UBE2E2: variants seen among roughly 807,000 people sequenced by gnomAD.
UBE2E2 encodes the protein ubiquitin-conjugating enzyme E2 E2.
In UBE2E2, 6 loss-of-function variants were observed where a neutral mutation model predicts 24.7. The observed-to-expected ratio is 0.24, with a 90% CI of 0.13 to 0.48. UBE2E2 has a LOEUF of 0.48. Ranked by LOEUF, UBE2E2 falls within the 20% of genes least tolerant of loss-of-function variation. The pLI is 0.99. For missense variants in UBE2E2, 169 were observed against 245.0 expected (o/e 0.69, Z 2.07); for synonymous variants, 104 against 83.6 (o/e 1.24, Z -1.33).
intron 3 of UBE2E2, among the ~76,000 whole-genome samples, chr3:23,295,054 A>G (rs574154737): frequency 2.6e-5 from 4 of 152,232 alleles, no homozygotes; most frequent in African/African-American, 9.6e-5. Context: ...TGATAAACCT[A>G]TTTACATTTA....
At chr3:23,438,408 A>G (rs1698230254) in intron 3 of UBE2E2, among the ~76,000 whole-genome samples, 1 of 152,240 alleles carries the variant, frequency 6.6e-6, no homozygotes, top group African/African-American at 2.4e-5. Flanking sequence ...TGGCAGAAAT[A>G]GTACTCAAAA....
chr3:23,360,267 G>A (rs1242632947), intron 3 of UBE2E2, among the ~76,000 whole-genome samples: 3 of 152,180 alleles, frequency 2.0e-5, no homozygotes, highest in South Asian at 2.1e-4. Flanking sequence ...AGTGAGTGCT[G>A]TAACTTAGAA....
intron 1 of UBE2E2, among the ~76,000 whole-genome samples, chr3:23,207,977 C>T (rs534083440): frequency 1.2e-4 from 18 of 152,156 alleles, no homozygotes; most frequent in South Asian, 1.0e-3. Context: ...ACCCATTAGC[C>T]GTCACTCTTC....
intron 3 of UBE2E2, among the ~76,000 whole-genome samples, chr3:23,272,168 C>T (rs535633519): frequency 1.3e-4 from 20 of 152,274 alleles, no homozygotes; most frequent in Admixed American, 2.6e-4. Flanking sequence ...AGCCCTGCCC[C>T]GCGGGGAGGT....
rs540320586 is a variant in UBE2E2 at position 23,351,776 on chromosome 3, A to C, written c.227+134464A>C. On this transcript the variant is annotated intron_variant, in intron 3 of 5. Transcript: ENST00000396703. ...ACAAAGAGACTTAGACTCCCACACA[A>C]TAATAATGGGAGACTTTAACACCCC... 3.9e-3 allele frequency among the ~76,000 whole-genome samples: 597 copies of C among 152,290 alleles called. 4 individuals carry two copies. Among genetic ancestry groups the C allele is most frequent in the African/African-American group, 0.013 (538 of 41,546 alleles).
At chr3:23,445,626 AC>A (rs1182897546) in intron 3 of UBE2E2, among the ~76,000 whole-genome samples, 1 of 152,172 alleles carries the variant, frequency 6.6e-6, no homozygotes, top group African/African-American at 2.4e-5. Flanking sequence ...TTTTGCCTTG[AC>A]AGTTGGTCAT....
chr3:23,582,891 G>GTGTGTGTA (rs1553622745), intron 5 of UBE2E2, among the ~76,000 whole-genome samples: 2,460 of 148,658 alleles, frequency 0.017, 67 homozygotes, highest in East Asian at 0.1. Flanking sequence ...GTGTGTGTGT[G>GTGTGTGTA]TGTTGTGTGT....
chr3:23,377,310 T>A (rs961590094), intron 3 of UBE2E2, among the ~76,000 whole-genome samples: 8 of 152,226 alleles, frequency 5.3e-5, no homozygotes, highest in Admixed American at 5.2e-4. Context: ...GTGTTCAGCC[T>A]GCATCTAAAA....
intron 2 of UBE2E2, among the ~76,000 whole-genome samples, chr3:23,211,771 C>T (rs1400538873): frequency 2.0e-5 from 3 of 152,204 alleles, no homozygotes; most frequent in South Asian, 2.1e-4. Context: ...GATAACGGTA[C>T]GCTGTTCAGA....
At chr3:23,349,562 C>A (rs572470286) in intron 3 of UBE2E2, among the ~76,000 whole-genome samples, 2 of 152,344 alleles carry the variant, frequency 1.3e-5, no homozygotes, top group African/African-American at 4.8e-5. Flanking sequence ...GCTTAAAAAA[C>A]GGCGCACCAG....
At chr3:23,396,268 A>G (rs1697071404) in intron 3 of UBE2E2, among the ~76,000 whole-genome samples, 1 of 148,596 alleles carries the variant, frequency 6.7e-6, no homozygotes, top group Admixed American at 6.7e-5. Context: ...GCCAGGATCA[A>G]AGTTCTTGAC....
chr3:23,489,346 G>A (rs899433053), intron 3 of UBE2E2, among the ~76,000 whole-genome samples: 1 of 151,860 alleles, frequency 6.6e-6, no homozygotes, highest in East Asian at 1.9e-4. Flanking sequence ...GTGGGTGATG[G>A]GAGACAGTGT....
intron 3 of UBE2E2, among the ~76,000 whole-genome samples, chr3:23,252,193 G>A (rs1039464869): frequency 2.6e-5 from 4 of 152,134 alleles, no homozygotes; most frequent in African/African-American, 4.8e-5. Context: ...ATATTTTCCT[G>A]TTGAAGACTT....
chr3:23,268,999 T>C (rs1439478973), intron 3 of UBE2E2, among the ~76,000 whole-genome samples: 1 of 151,882 alleles, frequency 6.6e-6, no homozygotes, highest in African/African-American at 2.4e-5. Flanking sequence ...TGGCTAGCCA[T>C]ATGTAGAAAG....
At chr3:23,464,499 T>C (rs1698881851) in intron 3 of UBE2E2, among the ~76,000 whole-genome samples, 4 of 152,152 alleles carry the variant, frequency 2.6e-5, no homozygotes, top group Admixed American at 1.3e-4. Flanking sequence ...AGGGGAGATA[T>C]ATATATATAA....
intron 5 of UBE2E2, among the ~76,000 whole-genome samples, chr3:23,548,700 C>T (rs1695576554): frequency 6.6e-6 from 1 of 152,162 alleles, no homozygotes; most frequent in Non-Finnish European, 1.5e-5. Flanking sequence ...TGCTGCTCTC[C>T]TCCTTAACTT....
intron 3 of UBE2E2, among the ~76,000 whole-genome samples, chr3:23,268,784 G>A (rs12638196): frequency 0.29 from 41,254 of 142,634 alleles, 6,311 homozygotes; most frequent in South Asian, 0.35. Context: ...GAGGCATCAC[G>A]CTACCTGACT....
At chr3:23,468,779 C>A (rs949517152) in intron 3 of UBE2E2, among the ~76,000 whole-genome samples, 3 of 152,156 alleles carry the variant, frequency 2.0e-5, no homozygotes, top group Non-Finnish European at 4.4e-5. Flanking sequence ...CATGCATCTT[C>A]TTGAACAAGT....
chr3:23,394,230 CT>C (rs1697021805), intron 3 of UBE2E2, among the ~76,000 whole-genome samples: 1 of 152,092 alleles, frequency 6.6e-6, no homozygotes, highest in Non-Finnish European at 1.5e-5. Context: ...TTACCTGGTT[CT>C]TTTTGTAACA....
Sources: gnomAD v4.1 joint callset for allele counts (sites outside exome capture counted in the v4.1 genomes callset) on GRCh38, gnomAD v4.1.1 for gene constraint, MANE v1.5 for transcripts, NCBI Gene and HGNC (gene_info 2026-07-23, HGNC 2026-07-21) for gene names.